The following PPP2R2B variants were observed in gnomAD, a reference collection of about 807,000 sequenced individuals.
PPP2R2B encodes the protein protein phosphatase 2 regulatory subunit Bbeta, also known as serine/threonine-protein phosphatase 2A 55 kDa regulatory subunit B beta isoform.
Under a neutral mutation model 46.0 loss-of-function variants are expected in PPP2R2B, and 5 were observed. That is an observed-to-expected ratio of 0.11 (90% CI 0.06 to 0.23). The LOEUF (loss-of-function observed/expected upper bound fraction) is 0.23, where lower values mean the gene tolerates loss of function less well. Ranked by LOEUF, PPP2R2B falls within the 10% of genes least tolerant of loss-of-function variation. The pLI, the probability that PPP2R2B is intolerant of heterozygous loss-of-function variation, is 1.00. For synonymous variants in PPP2R2B, 215 were observed against 206.7 expected (o/e 1.04, Z -0.34); for missense variants, 367 against 575.0 (o/e 0.64, Z 3.70).
rs1249279862 is a variant in PPP2R2B at position 147,018,041 on chromosome 5, GCGCACACACA to G, written c.79+37614_79+37623del. 2.0e-3 allele frequency among the ~76,000 whole-genome samples: 34 copies of G among 16,926 alleles called. 1 individual carries two copies. In the South Asian group the frequency reaches 0.042, roughly 21 times the overall value. The allele number at this position is 16,926 out of a possible 152,430, so 11.1% of individuals were successfully genotyped here. On this transcript the variant is annotated intron_variant, in intron 1 of 8. Transcript: ENST00000336640. Reference sequence around the variant, plus strand: ...GTCTACGACACACACATGCATGCGCGCGCACACACACACACACACACACACACACACACAC... The same window carrying G: ...GTCTACGACACACACATGCATGCGCGCACACACACACACACACACACACAC...
Position 146,806,872 on chromosome 5 carries a change from C to T in PPP2R2B, c.70+71130G>A, listed in dbSNP as rs115896992. Among the ~76,000 whole-genome samples, 1,487 of 152,310 alleles carry T rather than the reference C, an allele frequency of 9.8e-3. 37 individuals are homozygous for T. Among genetic ancestry groups the T allele is most frequent in the African/African-American group, 0.034 (1,416 of 41,566 alleles). On this transcript the variant is annotated intron_variant, in intron 2 of 9. Transcript: ENST00000394411. The stretch of plus-strand genomic sequence containing the variant: ...ACCTGAGGAAGTATAAAAGTGCCCC[C>T]GACAGGGGAGCAGGCAATAGGGGAC...
intron 1 of PPP2R2B, among the ~76,000 whole-genome samples, chr5:147,048,486 T>C (rs1378818372): frequency 2.0e-5 from 3 of 152,190 alleles, no homozygotes; most frequent in African/African-American, 7.2e-5. Flanking sequence ...GAGCCTACAA[T>C]AAATGCTAGC....
intron 2 of PPP2R2B, among the ~76,000 whole-genome samples, chr5:146,796,309 A>C (rs143238322): frequency 3.7e-4 from 57 of 152,300 alleles, no homozygotes; most frequent in Admixed American, 2.6e-3. Context: ...AACAGAAGTC[A>C]TCACAAAGGA....
At chr5:146,973,573 T>C (rs1752761116) in intron 1 of PPP2R2B, among the ~76,000 whole-genome samples, 1 of 152,200 alleles carries the variant, frequency 6.6e-6, no homozygotes, top group African/African-American at 2.4e-5. Flanking sequence ...AGCTACAAAA[T>C]TGGGGTTATG....
intron 1 of PPP2R2B, among the ~76,000 whole-genome samples, chr5:146,934,403 G>T: frequency 6.6e-6 from 1 of 151,142 alleles, no homozygotes; most frequent in East Asian, 1.9e-4. Flanking sequence ...ATCTCATTGT[G>T]GTTTTGATTT....
chr5:146,677,517 ATCCC>A lies in PPP2R2B; in HGVS notation c.447+13607_447+13610del, dbSNP rs138577271. ...TGATCTTATACTTTTTAAAAAACTC[ATCCC>A]TCCCTCCCTCCCTCCCTCCCTCCCT... On this transcript the variant is annotated intron_variant, in intron 5 of 9. Transcript: ENST00000394411. 8.5e-3 allele frequency among the ~76,000 whole-genome samples: 1,071 copies of A among 125,290 alleles called. 22 individuals carry two copies. Among genetic ancestry groups the A allele is most frequent in the East Asian group, 0.067 (245 of 3,674 alleles). 82.2% of individuals were successfully genotyped at this position (125,290 alleles called of 152,430 possible).
chr5:146,882,715 C>T (rs1206445821), upstream of PPP2R2B, among the ~76,000 whole-genome samples: 1 of 152,180 alleles, frequency 6.6e-6, no homozygotes, highest in Non-Finnish European at 1.5e-5. Flanking sequence ...GATTCAGCAA[C>T]ATCAGTGTAT....
rs375413594 is a variant in PPP2R2B at position 146,600,303 on chromosome 5, G to A, written c.948C>T (p.Ile316=). The change falls in exon 8 of 10, where the codon ATC becomes ATT. Residue 316 remains isoleucine, a synonymous_variant. Transcript: ENST00000394411. ...VWDLNMENRP[I]ETYQVHDYLR... is the part of the protein sequence containing the mutation. ...TGGGGTTCTATACCTGGTAAGTCTC[G>A]ATGGGGCGGTTTTCCATGTTGAGAT... 9.9e-6 allele frequency: 16 copies of A among 1,613,726 alleles called. No homozygotes were observed. In the Admixed American group the frequency reaches 1.0e-4, roughly 10 times the overall value.
intron 1 of PPP2R2B, among the ~76,000 whole-genome samples, chr5:146,923,410 A>G (rs1763675992): frequency 6.6e-6 from 1 of 152,202 alleles, no homozygotes; most frequent in Non-Finnish European, 1.5e-5. Flanking sequence ...GTTTGACACG[A>G]GTGAACTGTG....
chr5:146,751,991 G>A (rs1172184797), intron 2 of PPP2R2B, among the ~76,000 whole-genome samples: 2 of 152,178 alleles, frequency 1.3e-5, no homozygotes, highest in East Asian at 3.8e-4. Flanking sequence ...CAGATCATGT[G>A]AAACTGCAGG....
chr5:146,948,301 T>G (rs771293821), intron 1 of PPP2R2B, among the ~76,000 whole-genome samples: 2 of 152,036 alleles, frequency 1.3e-5, no homozygotes, highest in Non-Finnish European at 2.9e-5. Flanking sequence ...CTTAAATATA[T>G]TATCTACTCT....
intron 1 of PPP2R2B, among the ~76,000 whole-genome samples, chr5:146,940,214 T>G (rs1442349192): frequency 2.0e-5 from 3 of 152,188 alleles, no homozygotes; most frequent in Non-Finnish European, 4.4e-5. Context: ...TCCACTCCAC[T>G]TTGTCTTAAT....
chr5:146,948,167 T>G (rs1764543677), intron 1 of PPP2R2B, among the ~76,000 whole-genome samples: 1 of 151,920 alleles, frequency 6.6e-6, no homozygotes, highest in Non-Finnish European at 1.5e-5. Flanking sequence ...CCATGAGGCT[T>G]TAAGACTGGG....
At chr5:146,599,614 C>A (rs11951894) in intron 8 of PPP2R2B, among the ~76,000 whole-genome samples, 1 of 152,158 alleles carries the variant, frequency 6.6e-6, no homozygotes. Context: ...CCTGAACACA[C>A]CTCATTTCTC....
At chr5:146,912,975 C>A (rs1470754960) in intron 1 of PPP2R2B, among the ~76,000 whole-genome samples, 1 of 152,134 alleles carries the variant, frequency 6.6e-6, no homozygotes, top group African/African-American at 2.4e-5. Context: ...CCAAGAAACT[C>A]TCACCTAACT....
intron 5 of PPP2R2B, among the ~76,000 whole-genome samples, chr5:146,654,624 A>G (rs1776201216): frequency 6.6e-6 from 1 of 152,132 alleles, no homozygotes; most frequent in South Asian, 2.1e-4. Flanking sequence ...TATTCTTGGT[A>G]TTATATGCTT....
At chr5:147,004,011 A>T (rs1215046263) in intron 1 of PPP2R2B, among the ~76,000 whole-genome samples, 4 of 151,986 alleles carry the variant, frequency 2.6e-5, no homozygotes, top group Admixed American at 6.6e-5. Flanking sequence ...TAAACCTGGC[A>T]ACCTTGGTGT....
At chr5:146,689,551 A>G (rs1476156986) in intron 5 of PPP2R2B, among the ~76,000 whole-genome samples, 1 of 152,210 alleles carries the variant, frequency 6.6e-6, no homozygotes, top group Non-Finnish European at 1.5e-5. Context: ...AGTATACTCT[A>G]TGATGTTTTC....
At chr5:147,028,264 G>A (rs1036728430) in intron 1 of PPP2R2B, among the ~76,000 whole-genome samples, 4 of 151,964 alleles carry the variant, frequency 2.6e-5, no homozygotes, top group Non-Finnish European at 4.4e-5. Flanking sequence ...GATCCTGCAG[G>A]ACCAAGGCTA....
Sources: gnomAD v4.1 joint callset for allele counts (sites outside exome capture counted in the v4.1 genomes callset) on GRCh38, gnomAD v4.1.1 for gene constraint, MANE v1.5 for transcripts, NCBI Gene and HGNC (gene_info 2026-07-23, HGNC 2026-07-21) for gene names.